The following CAST variants were observed in gnomAD, a reference collection of about 807,000 sequenced individuals.
CAST encodes the protein calpastatin.
CAST carries 76 observed loss-of-function variants against 119.6 expected under a neutral mutation model. The observed-to-expected ratio is 0.64, with a 90% CI of 0.53 to 0.77. The LOEUF (loss-of-function observed/expected upper bound fraction) is 0.77, where lower values mean the gene tolerates loss of function less well. Among genes scored for constraint, CAST ranks in the 30% least tolerant of loss-of-function variants. The pLI is 0.00. For missense variants in CAST, 953 were observed against 946.5 expected, an observed-to-expected ratio of 1.01 and a Z score of -0.09; for synonymous variants, 319 against 331.6, an observed-to-expected ratio of 0.96 and a Z score of 0.41.
the CAST span, among the ~76,000 whole-genome samples, chr5:96,518,010 C>T: frequency 6.6e-6 from 1 of 152,240 alleles, no homozygotes; most frequent in Non-Finnish European, 1.5e-5. Context: ...AGTTAATCAC[C>T]TTGCCCAGGG....
the CAST span, among the ~76,000 whole-genome samples, chr5:96,259,884 C>CTT: frequency 1.3e-4 from 19 of 141,524 alleles, no homozygotes; most frequent in African/African-American, 3.9e-4. Flanking sequence ...GATTACATTG[C>CTT]TTTTTTTTTT....
At chr5:96,695,426 T>A (rs1170834600) in intron 2 of CAST, among the ~76,000 whole-genome samples, 1 of 152,208 alleles carries the variant, frequency 6.6e-6, no homozygotes, top group African/African-American at 2.4e-5. Context: ...AAATACTTTT[T>A]CTCTTCTCTT....
the CAST span, among the ~76,000 whole-genome samples, chr5:96,016,823 A>G: frequency 1.5e-5 from 2 of 129,692 alleles, no homozygotes; most frequent in Non-Finnish European, 3.2e-5. Flanking sequence ...TGATTTGGTT[A>G]TCTGGGTTTT....
At chr5:96,457,342 C>T in the CAST span, among the ~76,000 whole-genome samples, 1 of 152,214 alleles carries the variant, frequency 6.6e-6, no homozygotes, top group Non-Finnish European at 1.5e-5. Flanking sequence ...TGGCCATCTG[C>T]CATGGTCTGC....
intron 3 of CAST, among the ~76,000 whole-genome samples, chr5:96,703,236 G>A (rs1177780640): frequency 6.6e-6 from 1 of 152,180 alleles, no homozygotes; most frequent in Non-Finnish European, 1.5e-5. Context: ...CGAGACAAGT[G>A]GCCCGAGACA....
At chr5:96,087,003 T>C in the CAST span, among the ~76,000 whole-genome samples, 2 of 152,224 alleles carry the variant, frequency 1.3e-5, no homozygotes, top group Admixed American at 6.5e-5. Context: ...AAAATATAGT[T>C]TAAAGGGCAT....
chr5:96,678,233 A>G (rs1041619958), intron 2 of CAST, among the ~76,000 whole-genome samples: 2 of 152,126 alleles, frequency 1.3e-5, no homozygotes, highest in Admixed American at 1.3e-4. Flanking sequence ...AAAACGTGAG[A>G]CTAAGAAGCT....
chr5:96,537,232 C>T (rs567358098), intron 1 of CAST, among the ~76,000 whole-genome samples: 12 of 152,304 alleles, frequency 7.9e-5, no homozygotes, highest in South Asian at 2.1e-4. Context: ...TCCTTCACTT[C>T]GCCCAAAAGC....
At chr5:96,708,781 A>G (rs1755526582) in intron 3 of CAST, among the ~76,000 whole-genome samples, 1 of 152,130 alleles carries the variant, frequency 6.6e-6, no homozygotes, top group African/African-American at 2.4e-5. Context: ...TTCACTACTC[A>G]ACCCGAGGTG....
At chr5:96,184,473 C>A in the CAST span, among the ~76,000 whole-genome samples, 2 of 152,268 alleles carry the variant, frequency 1.3e-5, no homozygotes, top group East Asian at 3.9e-4. Context: ...GTATGAAGCC[C>A]AGCATGCATT....
At chr5:96,353,338 T>A in the CAST span, among the ~76,000 whole-genome samples, 1 of 152,174 alleles carries the variant, frequency 6.6e-6, no homozygotes, top group African/African-American at 2.4e-5. Flanking sequence ...CACTTCCACT[T>A]AGATGTTTAA....
intron 10 of CAST, among the ~76,000 whole-genome samples, chr5:96,736,786 GTCA>G (rs1761737592): frequency 6.6e-6 from 1 of 152,004 alleles, no homozygotes. Context: ...TTCATAACGA[GTCA>G]TCAACATAAA....
chr5:96,325,109 G>A, the CAST span, among the ~76,000 whole-genome samples: 9 of 152,244 alleles, frequency 5.9e-5, no homozygotes, highest in South Asian at 4.1e-4. Flanking sequence ...AGAAGCTGAG[G>A]TGGGAGAATT....
At chr5:96,410,714 T>C in the CAST span, 1 of 1,360,060 alleles carries the variant, frequency 7.4e-7, no homozygotes, top group South Asian at 1.2e-5. Context: ...AGGGGAATCA[T>C]TTCACATGCA....
chr5:96,074,304 C>G, the CAST span, among the ~76,000 whole-genome samples: 2 of 152,162 alleles, frequency 1.3e-5, no homozygotes, highest in Non-Finnish European at 1.5e-5. Context: ...TCTAACACCC[C>G]CAGTGTGGTG....
chr5:96,345,081 A>G, the CAST span, among the ~76,000 whole-genome samples: 2 of 152,118 alleles, frequency 1.3e-5, no homozygotes, highest in Admixed American at 1.3e-4. Context: ...TTTCTTTTCC[A>G]GTTTAGAATT....
the CAST span, among the ~76,000 whole-genome samples, chr5:96,021,613 T>C: frequency 1.3e-5 from 2 of 151,846 alleles, no homozygotes; most frequent in African/African-American, 4.8e-5. Flanking sequence ...GCCCAGCTAA[T>C]TTTTTTGTAT....
the CAST span, among the ~76,000 whole-genome samples, chr5:96,173,343 T>C: frequency 6.6e-6 from 1 of 152,236 alleles, no homozygotes; most frequent in Non-Finnish European, 1.5e-5. Context: ...GTCCGGGGTA[T>C]AGTCCTCATA....
chr5:96,672,382 G>C (rs1051674450), intron 1 of CAST, among the ~76,000 whole-genome samples: 1 of 152,092 alleles, frequency 6.6e-6, no homozygotes, highest in East Asian at 1.9e-4. Context: ...TTTTCTGTCC[G>C]TTGGAAATTT....
Sources: gnomAD v4.1 joint callset for allele counts (sites outside exome capture counted in the v4.1 genomes callset) on GRCh38, gnomAD v4.1.1 for gene constraint, MANE v1.5 for transcripts, NCBI Gene and HGNC (gene_info 2026-07-23, HGNC 2026-07-21) for gene names.